The following THAP3 variants were observed in gnomAD, a reference collection of about 807,000 sequenced individuals.
THAP3 encodes THAP domain-containing protein 3.
THAP3 carries 12 observed loss-of-function variants against 17.7 expected under a neutral mutation model. The observed-to-expected ratio is 0.68, with a 90% CI of 0.43 to 1.10. The LOEUF (loss-of-function observed/expected upper bound fraction) is 1.10, where lower values mean the gene tolerates loss of function less well. Ranked by LOEUF, THAP3 falls within the 50% of genes least tolerant of loss-of-function variation. The pLI is 0.00. For missense variants in THAP3, 289 were observed against 318.0 expected (o/e 0.91, Z 0.69); for synonymous variants, 133 against 126.9 (o/e 1.05, Z -0.32).
At chr1:6,633,910 C>T, downstream of THAP3, 3 of 966,872 alleles carry the variant, frequency 3.1e-6, no homozygotes, top group Non-Finnish European at 4.7e-6. Flanking sequence ...GAGCGAGACT[C>T]AGTCTGAAAA....
chr1:6,625,292 G>A lies in THAP3; in HGVS notation c.74G>A (p.Arg25Gln), dbSNP rs892962157. 1.8e-5 allele frequency: 27 copies of A among 1,535,572 alleles called. No individual in the cohort carries two copies. Among genetic ancestry groups the A allele is most frequent in the Non-Finnish European group, 2.3e-5 (26 of 1,143,172 alleles). Residue 25 changes from arginine to glutamine, a missense_variant and splice_region_variant, in exon 2 of 6, where the codon CGG becomes CAG. Physicochemically the swap from Arg to Gln is conservative, Grantham distance 43 (BLOSUM62 1). Coordinates refer to ENST00000054650, the MANE Select transcript of THAP3 (RefSeq NM_001195753.2). ...SSRRKQLTFHRFPFSRPELLK... is the reference protein window; with the variant it reads ...SSRRKQLTFHQFPFSRPELLK... Reference sequence around the variant, plus strand: ...CGCAGGAAGCAGCTCACCTTCCACCGGTAAGAGGCGGGGACCCGGGGGCGC... The same window carrying A: ...CGCAGGAAGCAGCTCACCTTCCACCAGTAAGAGGCGGGGACCCGGGGGCGC...
intron 2 of THAP3, 135 bp downstream of exon 2, chr1:6,625,427 C>A: frequency 1.5e-6 from 1 of 649,908 alleles, no homozygotes; most frequent in Non-Finnish European, 2.1e-6. Context: ...AGGTCCTGGG[C>A]CCAGAGGGGC....
intron 4 of THAP3, among the ~76,000 whole-genome samples, chr1:6,631,680 G>T (rs1641618903): frequency 6.6e-6 from 1 of 152,084 alleles, no homozygotes; most frequent in Non-Finnish European, 1.5e-5. Flanking sequence ...TGCGGCAGGT[G>T]GATTGCCTGA....
chr1:6,633,134 G>T lies in THAP3; in HGVS notation c.*57G>T. ...TGGCACCAGGGCCGGCAGAGCTTTG[G>T]AGCTCTGGCTGTGGACATTTTTGTC... is the stretch of plus-strand genomic sequence containing the variant. On this transcript the variant is annotated 3_prime_UTR_variant, in exon 6 of 6. Transcript: ENST00000054650. 2 of 1,536,254 alleles carry T rather than the reference G, an allele frequency of 1.3e-6. No individual in the cohort carries two copies. Among genetic ancestry groups the T allele is most frequent in the East Asian group, 2.4e-5 (1 of 41,142 alleles).
chr1:6,632,979 G>T lies in THAP3; in HGVS notation c.622G>T (p.Ala208Ser), dbSNP rs1239662577. 1 of 1,612,910 alleles carries T rather than the reference G, an allele frequency of 6.2e-7. No homozygotes were observed. Among genetic ancestry groups the T allele is most frequent in the African/African-American group, 1.3e-5 (1 of 75,076 alleles). Residue 208 changes from alanine to serine, a missense_variant, in exon 6 of 6, where the codon GCC becomes TCC. Coordinates refer to ENST00000054650, the MANE Select transcript of THAP3 (RefSeq NM_001195753.2). ...ENEKLRKRLQ[A>S]QRLVMRRMSS... ...TGAAAAGCTCCGGAAGCGCTTGCAGGCCCAGAGGCTGGTGATGCGAAGGAT... is the reference window on the plus strand; with the variant it reads ...TGAAAAGCTCCGGAAGCGCTTGCAGTCCCAGAGGCTGGTGATGCGAAGGAT...
chr1:6,635,027 C>G (rs1256568816), downstream of THAP3: 1 of 364,908 alleles, frequency 2.7e-6, no homozygotes, highest in African/African-American at 2.1e-5. Context: ...GGGAGTTACA[C>G]TACCCTGTCC....
chr1:6,634,410 AAGG>A, downstream of THAP3: 1 of 1,230,974 alleles, frequency 8.1e-7, no homozygotes, highest in South Asian at 1.4e-5. Flanking sequence ...AAACCAGAGG[AAGG>A]AGGTTCTTAG....
intron 1 of THAP3, 86 bp downstream of exon 1, chr1:6,625,040 G>T: frequency 1.6e-6 from 1 of 640,262 alleles, no homozygotes; most frequent in Non-Finnish European, 2.6e-6. Flanking sequence ...GGCGCCCCGG[G>T]TCCCGTCCGA....
rs1641686497 is a variant in THAP3 at position 6,633,476 on chromosome 1, C to T, written c.*399C>T. The stretch of plus-strand genomic sequence containing the variant: ...GCGGGTGAGTGGTCCCCTCCTCCAT[C>T]AGCCTGGACAGCCGCTCGGGGTTCT... On this transcript the variant is annotated 3_prime_UTR_variant, in exon 6 of 6. Transcript: ENST00000054650. 8.8e-7 allele frequency: 1 copy of T among 1,133,320 alleles called. No individual in the cohort carries two copies. The highest frequency in any genetic ancestry group is 1.1e-6 in the Non-Finnish European group (1 of 918,234). 70.2% of individuals were successfully genotyped at this position (1,133,320 alleles called of 1,614,324 possible).
At position 6,632,988 on chromosome 1, in the gene THAP3, C is replaced by G. The variant is rs1641668216; in HGVS notation, c.631C>G (p.Leu211Val). 1.2e-6 allele frequency: 2 copies of G among 1,612,756 alleles called. No homozygotes were observed. Among genetic ancestry groups the G allele is most frequent in the Non-Finnish European group, 8.5e-7 (1 of 1,179,882 alleles). ...CCGGAAGCGCTTGCAGGCCCAGAGGCTGGTGATGCGAAGGATGTCCAGCCG... is the reference window on the plus strand; with the variant it reads ...CCGGAAGCGCTTGCAGGCCCAGAGGGTGGTGATGCGAAGGATGTCCAGCCG... ...KLRKRLQAQR[L>V]VMRRMSSRLR... The change falls in exon 6 of 6, where the codon CTG becomes GTG. Residue 211 changes from leucine to valine, a missense_variant. Leu to Val is a conservative substitution (Grantham distance 32). Coordinates refer to ENST00000054650, the MANE Select transcript of THAP3 (RefSeq NM_001195753.2).
At chr1:6,628,000 C>T (rs894519572) in intron 2 of THAP3, 8 of 158,738 alleles carry the variant, frequency 5.0e-5, no homozygotes, top group East Asian at 1.9e-4. Flanking sequence ...CTGAAGCCTG[C>T]GTCGCTTGTG....
Position 6,633,411 on chromosome 1 carries a change from C to G in THAP3, c.*334C>G. The G allele has an allele frequency of 5.8e-6, 7 of 1,200,624 alleles. No homozygotes were observed. Among genetic ancestry groups the G allele is most frequent in the South Asian group, 1.9e-5 (1 of 52,704 alleles). 74.4% of individuals were successfully genotyped at this position (1,200,624 alleles called of 1,614,324 possible). ...GTTGGAAGCCCCAGTGTGGGAGATG[C>G]TCCTCAGGGAGGAAGCCATGTGAGG... On this transcript the variant is annotated 3_prime_UTR_variant, in exon 6 of 6. Transcript: ENST00000054650.
downstream of THAP3, chr1:6,633,634 C>T (rs1328769482): frequency 3.4e-5 from 35 of 1,039,022 alleles, no homozygotes; most frequent in Middle Eastern, 4.6e-4. Context: ...CGTGGCCGGG[C>T]GCAGTGGCTC....
downstream of THAP3, chr1:6,634,868 C>A: frequency 8.2e-7 from 1 of 1,214,336 alleles, no homozygotes; most frequent in Non-Finnish European, 1.1e-6. Context: ...TGGTCCTGTC[C>A]TCTTGAGCTG....
intron 4 of THAP3, among the ~76,000 whole-genome samples, chr1:6,631,548 C>G (rs1005996297): frequency 1.3e-5 from 2 of 152,026 alleles, no homozygotes; most frequent in African/African-American, 4.8e-5. Flanking sequence ...GCAGGCGGAT[C>G]ACCTGAGGTT....
At chr1:6,625,422 C>T (rs1641439632) in intron 2 of THAP3, 130 bp downstream of exon 2, 4 of 772,608 alleles carry the variant, frequency 5.2e-6, no homozygotes, top group African/African-American at 1.9e-5. Flanking sequence ...GGCCGAGGTC[C>T]TGGGCCCAGA....
intron 1 of THAP3, 23 bp downstream of exon 1, chr1:6,624,977 G>A (rs994802530): frequency 2.4e-5 from 13 of 538,532 alleles, no homozygotes; most frequent in Non-Finnish European, 3.6e-5. Flanking sequence ...CAGGCCCAAG[G>A]CTAGGAGTTG....
intron 4 of THAP3, 29 bp from the exon 5 acceptor site, chr1:6,632,362 T>TA: frequency 6.2e-7 from 1 of 1,612,518 alleles, no homozygotes; most frequent in Non-Finnish European, 8.5e-7. Flanking sequence ...TGCAGGGCTG[T>TA]AGTGCAGACT....
downstream of THAP3, chr1:6,633,980 C>A (rs985755598): frequency 6.3e-7 from 1 of 1,581,314 alleles, no homozygotes; most frequent in South Asian, 1.1e-5. Flanking sequence ...GAAAAAAGTT[C>A]TAGCCTGATT....
Sources: allele counts gnomAD v4.1 joint callset (sites outside exome capture counted in the v4.1 genomes callset), GRCh38; gene constraint gnomAD v4.1.1; transcripts MANE v1.5; gene names NCBI Gene and HGNC (gene_info 2026-07-23, HGNC 2026-07-21).